BRINP3: variants seen among roughly 807,000 people sequenced by gnomAD.
The protein encoded by BRINP3 is BMP/retinoic acid inducible neural specific 3.
A neutral mutation model predicts 71.0 loss-of-function variants in BRINP3; 19 were observed. The ratio of observed to expected loss-of-function variants is 0.27; its 90% CI spans 0.19 to 0.39. The LOEUF is 0.39. Ranked by LOEUF, BRINP3 falls within the 10% of genes least tolerant of loss-of-function variation. The pLI is 1.00. For synonymous variants in BRINP3, 380 were observed against 337.7 expected (o/e 1.13, Z -1.37); for missense variants, 959 against 940.8 (o/e 1.02, Z -0.25).
intron 7 of BRINP3, among the ~76,000 whole-genome samples, chr1:190,123,123 G>C (rs1199485726): frequency 6.6e-6 from 1 of 152,044 alleles, no homozygotes; most frequent in Admixed American, 6.6e-5. Context: ...CTGTATAATT[G>C]TTCGCCCCCC....
chr1:190,422,208 G>A lies in BRINP3; in HGVS notation c.236+32447C>T, dbSNP rs563170441. Reference sequence around the variant, plus strand: ...GGTATAATAAGACAATGCATGACACGAAGCATTTAAAAGTGTGCCTGCGTC... The same window carrying A: ...GGTATAATAAGACAATGCATGACACAAAGCATTTAAAAGTGTGCCTGCGTC... On this transcript the variant is annotated intron_variant, in intron 2 of 7. Transcript: ENST00000367462. Among the ~76,000 whole-genome samples, 12 of 151,838 alleles carry A rather than the reference G, an allele frequency of 7.9e-5. 1 individual carries two copies. The East Asian group carries it at 1.2e-3, about 15-fold the overall frequency.
chr1:190,130,421 G>T (rs776586007), intron 7 of BRINP3, among the ~76,000 whole-genome samples: 3 of 151,622 alleles, frequency 2.0e-5, no homozygotes, highest in Non-Finnish European at 4.4e-5. Flanking sequence ...AAACTTTTTC[G>T]CTGATTTCAT....
intron 3 of BRINP3, among the ~76,000 whole-genome samples, chr1:190,270,635 T>C (rs1662028649): frequency 6.6e-6 from 1 of 151,732 alleles, no homozygotes; most frequent in African/African-American, 2.4e-5. Flanking sequence ...CTATTTTGGG[T>C]ATCTTTGAAA....
At chr1:190,435,572 AAACT>A (rs1224345159) in intron 2 of BRINP3, among the ~76,000 whole-genome samples, 1 of 152,202 alleles carries the variant, frequency 6.6e-6, no homozygotes, top group East Asian at 1.9e-4. Context: ...TCTTCTAGAT[AAACT>A]AACTCACAAC....
chr1:190,149,200 TAGTG>T (rs1367537437), intron 7 of BRINP3, among the ~76,000 whole-genome samples: 3 of 152,230 alleles, frequency 2.0e-5, no homozygotes, highest in Non-Finnish European at 2.9e-5. Context: ...CAGTTGTCAC[TAGTG>T]AGTCAGTTCC....
Position 190,098,487 on chromosome 1 carries a change from G to A in BRINP3, c.1832C>T (p.Thr611Ile). ...LDLPLQCYNW[T>I]LTLGNKWKTF... ...CTTCCATTTGTTCCCCAGAGTTAAT[G>A]TCCAGTTATAACACTGCAGGGGTAG... The change falls in exon 8 of 8, where the codon ACA becomes ATA. Residue 611 changes from threonine (T) to isoleucine (I), a missense_variant. Transcript: ENST00000367462. 1.9e-6 allele frequency: 3 copies of A among 1,614,126 alleles called. No individual in the cohort carries two copies. The highest frequency in any genetic ancestry group is 2.5e-6 in the Non-Finnish European group (3 of 1,180,032).
chr1:190,425,124 A>G (rs1050737211), intron 2 of BRINP3, among the ~76,000 whole-genome samples: 8 of 151,850 alleles, frequency 5.3e-5, no homozygotes, highest in Admixed American at 3.9e-4. Flanking sequence ...AAAATAACAA[A>G]GTTTAAAATA....
chr1:190,266,298 A>G (rs995977240), intron 3 of BRINP3, among the ~76,000 whole-genome samples: 1 of 152,198 alleles, frequency 6.6e-6, no homozygotes. Context: ...TTAAAATGAC[A>G]TAGCCCAGGT....
At chr1:190,378,494 A>G (rs1312649690) in intron 2 of BRINP3, among the ~76,000 whole-genome samples, 1 of 152,180 alleles carries the variant, frequency 6.6e-6, no homozygotes, top group African/African-American at 2.4e-5. Flanking sequence ...ATAGTCTTGA[A>G]ACCTAGAAAT....
intron 6 of BRINP3, among the ~76,000 whole-genome samples, chr1:190,190,539 C>T (rs1653941794): frequency 6.6e-6 from 1 of 152,068 alleles, no homozygotes; most frequent in South Asian, 2.1e-4. Context: ...TACTCTGCCA[C>T]CTTGCTCTGC....
chr1:190,393,145 C>G (rs1671354604), intron 2 of BRINP3, among the ~76,000 whole-genome samples: 2 of 151,544 alleles, frequency 1.3e-5, no homozygotes, highest in African/African-American at 4.8e-5. Context: ...CTGAAGGACT[C>G]TGGCAAACAT....
chr1:190,341,170 C>A (rs1331507350), intron 2 of BRINP3, among the ~76,000 whole-genome samples: 2 of 151,846 alleles, frequency 1.3e-5, no homozygotes, highest in Non-Finnish European at 2.9e-5. Flanking sequence ...CAATCAGCCA[C>A]TAGTTAGTAA....
At chr1:190,466,458 C>G (rs566807033) in intron 1 of BRINP3, among the ~76,000 whole-genome samples, 7 of 151,772 alleles carry the variant, frequency 4.6e-5, no homozygotes, top group South Asian at 2.1e-4. Context: ...ATTTAAGGAG[C>G]TTTCAAAGAT....
At chr1:190,147,651 C>A (rs1001234350) in intron 7 of BRINP3, among the ~76,000 whole-genome samples, 1 of 152,118 alleles carries the variant, frequency 6.6e-6, no homozygotes, top group African/African-American at 2.4e-5. Context: ...GTGAGGAAAA[C>A]AAAACAAAAC....
chr1:190,295,361 A>G (rs987458775), intron 2 of BRINP3, among the ~76,000 whole-genome samples: 5 of 151,896 alleles, frequency 3.3e-5, no homozygotes, highest in Non-Finnish European at 7.4e-5. Context: ...TCTTTTCCCA[A>G]CACAGGGATT....
intron 2 of BRINP3, among the ~76,000 whole-genome samples, chr1:190,307,116 T>C (rs1463704004): frequency 6.6e-6 from 1 of 151,838 alleles, no homozygotes; most frequent in East Asian, 1.9e-4. Context: ...AAAATCCTAG[T>C]TGGGATTGGT....
chr1:190,396,275 C>A (rs548286870), intron 2 of BRINP3, among the ~76,000 whole-genome samples: 1 of 151,836 alleles, frequency 6.6e-6, no homozygotes, highest in South Asian at 2.1e-4. Flanking sequence ...GAATTACCAG[C>A]TTTTAGTTCC....
At chr1:190,150,545 C>A (rs1656300366) in intron 7 of BRINP3, among the ~76,000 whole-genome samples, 1 of 152,208 alleles carries the variant, frequency 6.6e-6, no homozygotes, top group South Asian at 2.1e-4. Flanking sequence ...GTAAGATTTA[C>A]CTGATTTCTG....
chr1:190,231,215 A>T (rs2102725058), intron 5 of BRINP3, among the ~76,000 whole-genome samples: 1 of 151,920 alleles, frequency 6.6e-6, no homozygotes, highest in Non-Finnish European at 1.5e-5. Flanking sequence ...TTCAGCATAA[A>T]TTATTATCTG....
Sources: allele counts gnomAD v4.1 joint callset (sites outside exome capture counted in the v4.1 genomes callset), GRCh38; gene constraint gnomAD v4.1.1; transcripts MANE v1.5; gene names NCBI Gene and HGNC (gene_info 2026-07-23, HGNC 2026-07-21).